The following MPP7 variants were observed in gnomAD, a reference collection of about 807,000 sequenced individuals.
MPP7 encodes MAGUK p55 scaffold protein 7.
Under a neutral mutation model 76.5 loss-of-function variants are expected in MPP7, and 60 were observed. The ratio of observed to expected loss-of-function variants is 0.78; its 90% CI spans 0.64 to 0.97. The LOEUF is 0.97. Among genes scored for constraint, MPP7 ranks in the 50% least tolerant of loss-of-function variants. The pLI, the probability that MPP7 is intolerant of heterozygous loss-of-function variation, is 0.00. For synonymous variants in MPP7, 237 were observed against 244.5 expected (o/e 0.97, Z 0.29); for missense variants, 641 against 694.0 (o/e 0.92, Z 0.86).
chr10:28,160,262 C>T (rs141150295), intron 3 of MPP7, among the ~76,000 whole-genome samples: 36 of 152,292 alleles, frequency 2.4e-4, no homozygotes, highest in African/African-American at 8.2e-4. Flanking sequence ...GGTTTGCAGC[C>T]AAGTGCTTTC....
At chr10:28,102,712 C>T (rs1853882075) in intron 11 of MPP7, among the ~76,000 whole-genome samples, 1 of 152,176 alleles carries the variant, frequency 6.6e-6, no homozygotes, top group Admixed American at 6.5e-5. Context: ...TGGTTTGCCA[C>T]TTTGTAGGGA....
At chr10:28,135,400 T>C (rs73606081) in intron 5 of MPP7, among the ~76,000 whole-genome samples, 3,507 of 152,288 alleles carry the variant, frequency 0.023, 113 homozygotes, top group African/African-American at 0.077. Flanking sequence ...CTGAGGGCAA[T>C]TGTACTCCCT....
chr10:28,267,412 A>T (rs1053004244), intron 1 of MPP7, among the ~76,000 whole-genome samples: 5 of 152,220 alleles, frequency 3.3e-5, no homozygotes, highest in Admixed American at 2.6e-4. Context: ...CTAGCAAGCA[A>T]AAAAGACAAC....
chr10:28,090,956 G>A lies in MPP7; in HGVS notation c.953-1115C>T, dbSNP rs151015536. ...GAGCCCAGGAGTTTAAGACCAGGTG[G>A]GGCAACATGGAGAAACCCCATCTCT... is the stretch of plus-strand genomic sequence containing the variant. On this transcript the variant is annotated intron_variant, in intron 11 of 16. Transcript: ENST00000683449. 8.3e-4 allele frequency among the ~76,000 whole-genome samples: 126 copies of A among 152,130 alleles called. 1 individual carries two copies. In the East Asian group the frequency reaches 0.021, roughly 26 times the overall value.
intron 6 of MPP7, among the ~76,000 whole-genome samples, chr10:28,130,213 C>T (rs1034838456): frequency 2.6e-5 from 4 of 152,020 alleles, no homozygotes; most frequent in Non-Finnish European, 4.4e-5. Context: ...TTGCATAATG[C>T]TTCAGAACTC....
At chr10:28,176,986 C>T (rs1312522229) in intron 3 of MPP7, among the ~76,000 whole-genome samples, 2 of 150,006 alleles carry the variant, frequency 1.3e-5, no homozygotes, top group African/African-American at 4.9e-5. Context: ...CGTAACAAAC[C>T]TGCACATTGT....
At chr10:28,252,322 C>T (rs1193446235) in intron 1 of MPP7, among the ~76,000 whole-genome samples, 5 of 152,170 alleles carry the variant, frequency 3.3e-5, no homozygotes, top group South Asian at 2.1e-4. Flanking sequence ...GGGTAAACGG[C>T]GACATGTCAC....
At chr10:28,268,763 A>G (rs982945287) in intron 1 of MPP7, among the ~76,000 whole-genome samples, 5 of 151,680 alleles carry the variant, frequency 3.3e-5, no homozygotes, top group Non-Finnish European at 7.4e-5. Context: ...AATTGTAGAA[A>G]ATGGGGCTAA....
At chr10:28,298,539 C>T (rs1841082565) in intron 1 of MPP7, among the ~76,000 whole-genome samples, 2 of 152,178 alleles carry the variant, frequency 1.3e-5, no homozygotes, top group Non-Finnish European at 2.9e-5. Context: ...GTCATCCAGG[C>T]TTTGTCGCTC....
chr10:28,185,446 A>G (rs1385033152), intron 3 of MPP7, among the ~76,000 whole-genome samples: 1 of 152,132 alleles, frequency 6.6e-6, no homozygotes, highest in Non-Finnish European at 1.5e-5. Flanking sequence ...CATAACTGAG[A>G]CAACACAAAA....
At chr10:28,105,569 G>A (rs970111695) in intron 11 of MPP7, among the ~76,000 whole-genome samples, 7 of 152,230 alleles carry the variant, frequency 4.6e-5, no homozygotes, top group South Asian at 2.1e-4. Context: ...ATGCAATGGC[G>A]CGATCTCAGT....
intron 3 of MPP7, among the ~76,000 whole-genome samples, chr10:28,181,174 T>A (rs1368459161): frequency 6.6e-6 from 1 of 152,232 alleles, no homozygotes; most frequent in Non-Finnish European, 1.5e-5. Context: ...AAATAACATT[T>A]TGAAACATTT....
intron 13 of MPP7, among the ~76,000 whole-genome samples, chr10:28,066,888 T>C (rs11006829): frequency 0.051 from 7,798 of 152,346 alleles, 238 homozygotes; most frequent in Middle Eastern, 0.11. Flanking sequence ...ATTGTATGCA[T>C]ATACTATACT....
In MPP7 at chr10:28,069,856, A is replaced by G. The variant is rs769024235; in HGVS notation, c.1124-4T>C. 1.2e-6 allele frequency: 2 copies of G among 1,612,102 alleles called. No individual in the cohort carries two copies. Among genetic ancestry groups the G allele is most frequent in the East Asian group, 4.5e-5 (2 of 44,838 alleles). ...TTCAGCCCTACTCCCACGGGACCTG[A>G]AAAACAGGGTAACAGAAATTCATTA... On this transcript the variant is annotated splice_polypyrimidine_tract_variant and splice_region_variant and intron_variant, in intron 12 of 16. Transcript: ENST00000683449.
intron 5 of MPP7, among the ~76,000 whole-genome samples, chr10:28,132,495 A>C (rs998345574): frequency 4.6e-5 from 7 of 152,164 alleles, no homozygotes; most frequent in Admixed American, 1.3e-4. Context: ...CAGCGGTGGG[A>C]TCATAGCTCA....
At chr10:28,246,449 T>A (rs1348443240) in intron 1 of MPP7, among the ~76,000 whole-genome samples, 1 of 151,818 alleles carries the variant, frequency 6.6e-6, no homozygotes, top group Non-Finnish European at 1.5e-5. Flanking sequence ...CTAAAGGGAG[T>A]CTTTCAAGTC....
At chr10:28,315,289 G>A (rs1008924899) in intron 2 of MPP7, among the ~76,000 whole-genome samples, 10 of 145,884 alleles carry the variant, frequency 6.9e-5, no homozygotes, top group Non-Finnish European at 1.5e-4. Flanking sequence ...AGGGGGGAGG[G>A]AGAGAGGGAG....
At chr10:28,074,769 C>T (rs977884925) in intron 12 of MPP7, among the ~76,000 whole-genome samples, 6 of 152,202 alleles carry the variant, frequency 3.9e-5, no homozygotes, top group African/African-American at 1.4e-4. Flanking sequence ...CTCCACATTT[C>T]CCTTAACTCT....
chr10:28,147,611 G>A, intron 4 of MPP7, 48 bp from the exon 5 acceptor site: 3 of 1,500,992 alleles, frequency 2.0e-6, no homozygotes, highest in Non-Finnish European at 1.9e-6. Flanking sequence ...TAAGAGCATT[G>A]TGGGATTGGG....
Sources: gnomAD v4.1 joint callset for allele counts (sites outside exome capture counted in the v4.1 genomes callset) on GRCh38, gnomAD v4.1.1 for gene constraint, MANE v1.5 for transcripts, NCBI Gene and HGNC (gene_info 2026-07-23, HGNC 2026-07-21) for gene names.